Variants in ADCYAP1 observed in about 807,000 individuals in gnomAD.
The protein encoded by ADCYAP1 is pituitary adenylate cyclase-activating polypeptide.
A neutral mutation model predicts 18.5 loss-of-function variants in ADCYAP1; 6 were observed. The ratio of observed to expected loss-of-function variants is 0.32; its 90% CI spans 0.18 to 0.64. The LOEUF is 0.64. Among genes scored for constraint, ADCYAP1 ranks in the 30% least tolerant of loss-of-function variants. The pLI is 0.77. For missense variants in ADCYAP1, 314 were observed against 253.6 expected (o/e 1.24, Z -1.62); for synonymous variants, 136 against 113.9 (o/e 1.19, Z -1.24).
At position 905,763 on chromosome 18, in the gene ADCYAP1, C is replaced by A. The variant is rs973641905; in HGVS notation, c.110+267C>A. The A allele has an allele frequency of 2.2e-4, 106 of 481,978 alleles. 2 individuals are homozygous for A. The Middle Eastern group carries it at 6.1e-3, about 28-fold the overall frequency. The allele number at this position is 481,978 out of a possible 1,614,324, so 29.9% of individuals were successfully genotyped here. A position where few individuals can be genotyped will look rare whatever the true frequency, so the allele number is the denominator to read the frequency against. On this transcript the variant is annotated intron_variant, in intron 2 of 4. Transcript: ENST00000450565. ...CAGTGAGCTTCTGGCCGCTGGAGAA[C>A]CCCCCCTCCCCCAACCCGGCCCACA...
chr18:905,135 G>C, intron 1 of ADCYAP1, 75 bp downstream of exon 1: 1 of 1,381,790 alleles, frequency 7.2e-7, no homozygotes. Flanking sequence ...TCGCGTCAGG[G>C]GAGTTAGCTT....
At chr18:908,135 C>T (rs887908031) in intron 3 of ADCYAP1, 130 bp from the exon 4 acceptor site, 1 of 804,278 alleles carries the variant, frequency 1.2e-6, no homozygotes, top group Non-Finnish European at 2.0e-6. Context: ...TTGGCGAGTT[C>T]TGGGCCTCTG....
In ADCYAP1 at chr18:911,965, C is replaced by T. The variant is rs1036123769; in HGVS notation, c.*2330C>T. ...ATCTTTTGTATACTTTTTAGAAATG[C>T]CAAGAGCCTTACTAAACTGAAGCAG... On this transcript the variant is annotated 3_prime_UTR_variant, in exon 5 of 5. Transcript: ENST00000450565. 1 of 152,096 alleles carries T rather than the reference C, an allele frequency of 6.6e-6. No homozygotes were observed. Among genetic ancestry groups the T allele is most frequent in the Non-Finnish European group, 1.5e-5 (1 of 68,010 alleles). The allele number at this position is 152,096 out of a possible 1,614,324, so 9.4% of individuals were successfully genotyped here. A position where few individuals can be genotyped will look rare whatever the true frequency, so the allele number is the denominator to read the frequency against.
At chr18:904,685 C>T (rs1321915571), upstream of ADCYAP1, 2 of 1,217,766 alleles carry the variant, frequency 1.6e-6, no homozygotes, top group African/African-American at 1.6e-5. Context: ...CCTTCCTCCC[C>T]TTCTTTTCTG....
intron 1 of ADCYAP1, 114 bp from the exon 2 acceptor site, chr18:905,272 G>T: frequency 4.6e-6 from 7 of 1,516,102 alleles, no homozygotes; most frequent in South Asian, 1.3e-5. Flanking sequence ...GTTCAACTCA[G>T]GGAGCCGGGG....
chr18:908,116 C>T (rs1472535960), intron 3 of ADCYAP1, 149 bp from the exon 4 acceptor site: 3 of 729,030 alleles, frequency 4.1e-6, no homozygotes, highest in African/African-American at 1.8e-5. Context: ...GAGATCATCC[C>T]GGGAGTTATT....
Position 905,445 on chromosome 18 carries a change from G to T in ADCYAP1, c.59G>T (p.Ser20Ile). Residue 20 changes from serine (S) to isoleucine (I), a missense_variant, in exon 2 of 5, where the codon AGC becomes ATC. By Grantham distance (142) the Ser-to-Ile change is moderately radical. Transcript: ENST00000450565. The part of the protein sequence containing the change: ...ALLVYGIIMH[S>I]SVYSSPAAAG... Reference sequence around the variant, plus strand: ...CTGGTCTATGGGATAATCATGCACAGCAGCGTCTACAGCTCACCTGCCGCC... The same window carrying T: ...CTGGTCTATGGGATAATCATGCACATCAGCGTCTACAGCTCACCTGCCGCC... The T allele has an allele frequency of 6.2e-7, 1 of 1,612,070 alleles. No individual in the cohort carries two copies. The highest frequency in any genetic ancestry group is 8.5e-7 in the Non-Finnish European group (1 of 1,180,028).
At chr18:908,211 G>A (rs1909251244) in intron 3 of ADCYAP1, 54 bp from the exon 4 acceptor site, 6 of 1,512,134 alleles carry the variant, frequency 4.0e-6, no homozygotes, top group South Asian at 1.2e-5. Context: ...GTCTCTAGCG[G>A]CCACCTGGGG....
upstream of ADCYAP1, chr18:904,447 T>C: frequency 7.8e-7 from 1 of 1,288,634 alleles, no homozygotes; most frequent in Non-Finnish European, 1.0e-6. Context: ...AGGCAGATGT[T>C]GACAAAGAGG....
Position 910,538 on chromosome 18 carries a change from A to C in ADCYAP1, c.*903A>C, listed in dbSNP as rs1909351530. ...AGTGAAGGACATAGAGGTATATTGGAAGAGGCAGAGCCTGAGGTGGTAGGA... is the reference window on the plus strand; with the variant it reads ...AGTGAAGGACATAGAGGTATATTGGCAGAGGCAGAGCCTGAGGTGGTAGGA... On this transcript the variant is annotated 3_prime_UTR_variant, in exon 5 of 5. Transcript: ENST00000450565. 6.6e-6 allele frequency: 1 copy of C among 152,252 alleles called. No individual in the cohort carries two copies. Among genetic ancestry groups the C allele is most frequent in the African/African-American group, 2.4e-5 (1 of 41,440 alleles). 9.4% of individuals were successfully genotyped at this position (152,252 alleles called of 1,614,324 possible).
At position 909,777 on chromosome 18, in the gene ADCYAP1, G is replaced by T; in HGVS notation, c.*142G>T. 3.1e-6 allele frequency: 2 copies of T among 648,308 alleles called. No homozygotes were observed. Among genetic ancestry groups the T allele is most frequent in the Non-Finnish European group, 4.8e-6 (2 of 419,876 alleles). The allele number at this position is 648,308 out of a possible 1,614,324, so 40.2% of individuals were successfully genotyped here. ...AGTAAAGCCATTAAATGAATATTTTGATAATAATATTGTTTTTCTTTCTAC... is the reference window on the plus strand; with the variant it reads ...AGTAAAGCCATTAAATGAATATTTTTATAATAATATTGTTTTTCTTTCTAC... On this transcript the variant is annotated 3_prime_UTR_variant, in exon 5 of 5. Coordinates refer to ENST00000450565, the MANE Select transcript of ADCYAP1 (RefSeq NM_001099733.2).
chr18:909,911 A>G lies in ADCYAP1; in HGVS notation c.*276A>G, dbSNP rs1273762581. ...ATATATATATATATATATATAAAGT[A>G]TAGAGAGAAGTTCATACAAAGCGTG... On this transcript the variant is annotated 3_prime_UTR_variant, in exon 5 of 5. Coordinates refer to ENST00000450565, the MANE Select transcript of ADCYAP1 (RefSeq NM_001099733.2). 6.7e-6 allele frequency: 1 copy of G among 148,272 alleles called. No homozygotes were observed. Among genetic ancestry groups the G allele is most frequent in the Non-Finnish European group, 1.5e-5 (1 of 67,650 alleles). 9.2% of individuals were successfully genotyped at this position (148,272 alleles called of 1,614,324 possible). A position where few individuals can be genotyped will look rare whatever the true frequency, so the allele number is the denominator to read the frequency against.
At chr18:905,189 C>T (rs1567853029) in intron 1 of ADCYAP1, 129 bp downstream of exon 1, 1 of 1,419,770 alleles carries the variant, frequency 7.0e-7, no homozygotes, top group Non-Finnish European at 9.2e-7. Flanking sequence ...CGGGTAGATG[C>T]ATATATATAT....
chr18:905,278 C>G, intron 1 of ADCYAP1, 108 bp from the exon 2 acceptor site: 2 of 1,521,618 alleles, frequency 1.3e-6, no homozygotes, highest in South Asian at 2.6e-5. Flanking sequence ...CTCAGGGAGC[C>G]GGGGCTTCGC....
At position 909,736 on chromosome 18, in the gene ADCYAP1, T is replaced by C. The variant is rs1909316807; in HGVS notation, c.*101T>C. On this transcript the variant is annotated 3_prime_UTR_variant, in exon 5 of 5. Coordinates refer to ENST00000450565, the MANE Select transcript of ADCYAP1 (RefSeq NM_001099733.2). ...ATCGCTCGTGTGTTCTATCCAAACA[T>C]GTATTTATGTAATGAAGTAAAGCCA... 3 of 1,013,018 alleles carry C rather than the reference T, an allele frequency of 3.0e-6. No individual in the cohort carries two copies. The highest frequency in any genetic ancestry group is 4.4e-4 in the Middle Eastern group (2 of 4,552). 62.8% of individuals were successfully genotyped at this position (1,013,018 alleles called of 1,614,324 possible). A position where few individuals can be genotyped will look rare whatever the true frequency, so the allele number is the denominator to read the frequency against.
At chr18:907,057 G>T (rs1467496189) in intron 2 of ADCYAP1, among the ~76,000 whole-genome samples, 1 of 152,210 alleles carries the variant, frequency 6.6e-6, no homozygotes, top group African/African-American at 2.4e-5. Flanking sequence ...GCTAAGTTTA[G>T]GGGCATTTAT....
chr18:909,448 G>A lies in ADCYAP1; in HGVS notation c.344G>A (p.Gly115Glu). 1 of 1,611,248 alleles carries A rather than the reference G, an allele frequency of 6.2e-7. No homozygotes were observed. Among genetic ancestry groups the A allele is most frequent in the Non-Finnish European group, 8.5e-7 (1 of 1,179,234 alleles). Reference sequence around the variant, plus strand: ...CTTCCCGACCCCTTTGCTTGCAGTGGGAGCCTCGGCGGCGGCGCGGGGGAC... The same window carrying A: ...CTTCCCGACCCCTTTGCTTGCAGTGAGAGCCTCGGCGGCGGCGCGGGGGAC... Reference protein sequence around the residue: ...LQSLVARGVGGSLGGGAGDDA... With the variant: ...LQSLVARGVGESLGGGAGDDA... The change falls in exon 5 of 5, where the codon GGG becomes GAG. Residue 115 changes from glycine to glutamate, a missense_variant and splice_region_variant. Gly to Glu is a moderately conservative substitution (Grantham distance 98). Transcript: ENST00000450565.
chr18:904,695 G>A (rs552323204), upstream of ADCYAP1: 8 of 1,218,522 alleles, frequency 6.6e-6, no homozygotes, highest in Non-Finnish European at 8.4e-6. Flanking sequence ...CTTCTTTTCT[G>A]ACTTTCCCTC....
At chr18:908,083 T>C (rs917675863) in intron 3 of ADCYAP1, 182 bp from the exon 4 acceptor site, 7 of 669,958 alleles carry the variant, frequency 1.0e-5, no homozygotes, top group Non-Finnish European at 1.7e-5. Flanking sequence ...CGGGACTAGC[T>C]CCCGATCCTA....
Sources: gnomAD v4.1 joint callset for allele counts (sites outside exome capture counted in the v4.1 genomes callset) on GRCh38, gnomAD v4.1.1 for gene constraint, MANE v1.5 for transcripts, NCBI Gene and HGNC (gene_info 2026-07-23, HGNC 2026-07-21) for gene names.